Variants in RNF217 observed in about 807,000 individuals in gnomAD.
RNF217 encodes ring finger protein 217, also known as E3 ubiquitin-protein ligase RNF217.
RNF217 carries 31 observed loss-of-function variants against 57.8 expected under a neutral mutation model. The observed-to-expected ratio is 0.54, with a 90% CI of 0.40 to 0.72. The LOEUF (loss-of-function observed/expected upper bound fraction) is 0.72, where lower values mean the gene tolerates loss of function less well. Among genes scored for constraint, RNF217 ranks in the 30% least tolerant of loss-of-function variants. The pLI, the probability that RNF217 is intolerant of heterozygous loss-of-function variation, is 0.00. For synonymous variants in RNF217, 313 were observed against 294.0 expected, an observed-to-expected ratio of 1.06 and a Z score of -0.66; for missense variants, 696 against 708.3, an observed-to-expected ratio of 0.98 and a Z score of 0.20.
chr6:125,014,753 A>G (rs754496303), intron 1 of RNF217, among the ~76,000 whole-genome samples: 7 of 152,162 alleles, frequency 4.6e-5, no homozygotes, highest in Non-Finnish European at 8.8e-5. Context: ...CTTCCCATGA[A>G]CTCATTTTTG....
intron 1 of RNF217, among the ~76,000 whole-genome samples, chr6:124,993,725 G>A (rs1562457718): frequency 6.6e-6 from 1 of 152,194 alleles, no homozygotes; most frequent in East Asian, 1.9e-4. Context: ...GTTTGTCAGG[G>A]AGAGTTTTGT....
intron 3 of RNF217, among the ~76,000 whole-genome samples, chr6:125,065,290 CAAA>C (rs1192938088): frequency 6.3e-5 from 4 of 63,716 alleles, no homozygotes; most frequent in East Asian, 1.1e-3. Context: ...GACTCTGTCT[CAAA>C]AAAAAAAAAA....
At chr6:125,030,686 G>A (rs1786314330) in intron 1 of RNF217, among the ~76,000 whole-genome samples, 1 of 152,190 alleles carries the variant, frequency 6.6e-6, no homozygotes, top group African/African-American at 2.4e-5. Flanking sequence ...TTCTGCATCT[G>A]TGGCTTTGCA....
Position 125,083,048 on chromosome 6 carries a change from T to C in RNF217, c.*111T>C, listed in dbSNP as rs1788637455. 2 of 675,174 alleles carry C rather than the reference T, an allele frequency of 3.0e-6. No homozygotes were observed. Among genetic ancestry groups the C allele is most frequent in the Non-Finnish European group, 2.4e-6 (1 of 415,278 alleles). The allele number at this position is 675,174 out of a possible 1,614,324, so 41.8% of individuals were successfully genotyped here. ...ACACTGAGAGGAACCTTCTACCATC[T>C]CATCTCCCAGTGATTCTCCGTGGGC... On this transcript the variant is annotated 3_prime_UTR_variant, in exon 6 of 6. Coordinates refer to ENST00000521654, the MANE Select transcript of RNF217 (RefSeq NM_001286398.3).
chr6:124,988,673 C>T (rs926547486), intron 1 of RNF217, among the ~76,000 whole-genome samples: 5 of 152,170 alleles, frequency 3.3e-5, no homozygotes, highest in African/African-American at 1.2e-4. Flanking sequence ...GCAGATTCTA[C>T]TTGAGATTGT....
intron 1 of RNF217, among the ~76,000 whole-genome samples, chr6:124,976,090 A>G (rs1324686517): frequency 5.9e-5 from 9 of 152,144 alleles, no homozygotes; most frequent in Admixed American, 4.6e-4. Flanking sequence ...ATGTGTGTAT[A>G]TATGTATACA....
At chr6:124,998,526 G>A (rs1388980675) in intron 1 of RNF217, among the ~76,000 whole-genome samples, 1 of 152,090 alleles carries the variant, frequency 6.6e-6, no homozygotes, top group Non-Finnish European at 1.5e-5. Flanking sequence ...AAGGCCAGGT[G>A]CCGTGGCTCA....
chr6:125,056,220 C>T (rs776895244), intron 2 of RNF217, among the ~76,000 whole-genome samples: 47 of 152,120 alleles, frequency 3.1e-4, no homozygotes, highest in Admixed American at 5.9e-4. Context: ...GACAAACTTA[C>T]GTTTAAATTC....
intron 3 of RNF217, among the ~76,000 whole-genome samples, chr6:125,062,291 A>C (rs1342781790): frequency 6.6e-6 from 1 of 152,092 alleles, no homozygotes; most frequent in Admixed American, 6.5e-5. Flanking sequence ...GGATAGACCA[A>C]TTTAATACAT....
chr6:124,989,366 T>A (rs955017938), intron 1 of RNF217, among the ~76,000 whole-genome samples: 1 of 152,196 alleles, frequency 6.6e-6, no homozygotes, highest in Non-Finnish European at 1.5e-5. Context: ...AGTTTATTTA[T>A]CTTCTTTCTT....
chr6:124,978,410 G>T (rs1784043922), intron 1 of RNF217, among the ~76,000 whole-genome samples: 1 of 151,294 alleles, frequency 6.6e-6, no homozygotes, highest in Non-Finnish European at 1.5e-5. Flanking sequence ...GCTGTGAGCG[G>T]CTTCCACCTT....
intron 1 of RNF217, among the ~76,000 whole-genome samples, chr6:125,010,210 G>A (rs1221880880): frequency 6.6e-6 from 1 of 152,078 alleles, no homozygotes; most frequent in Non-Finnish European, 1.5e-5. Context: ...TGTTGTTAAG[G>A]TGCAGATACT....
rs1490190995 is a variant in RNF217 at position 125,088,321 on chromosome 6, A to C, written c.*5384A>C. The C allele has an allele frequency of 6.6e-6, 1 of 152,142 alleles. No homozygotes were observed. Among genetic ancestry groups the C allele is most frequent in the Non-Finnish European group, 1.5e-5 (1 of 68,018 alleles). The allele number at this position is 152,142 out of a possible 1,614,324, so 9.4% of individuals were successfully genotyped here. On this transcript the variant is annotated 3_prime_UTR_variant, in exon 6 of 6. Transcript: ENST00000521654. ...TTTTGGATGCAAACCAATGATACAA[A>C]TCTTTAAGAAAGAATTACAGTGGGA...
chr6:125,072,452 G>A (rs1485316453), intron 3 of RNF217, among the ~76,000 whole-genome samples: 2 of 152,006 alleles, frequency 1.3e-5, no homozygotes, highest in Non-Finnish European at 2.9e-5. Context: ...TTTGACCAAC[G>A]GTATTTTAGT....
intron 1 of RNF217, among the ~76,000 whole-genome samples, chr6:124,998,667 G>C (rs1784843988): frequency 6.6e-6 from 1 of 152,096 alleles, no homozygotes. Flanking sequence ...GAAGCATGGT[G>C]GCGTGCACCT....
chr6:125,084,089 C>CT lies in RNF217; in HGVS notation c.*1154dup, dbSNP rs1438750814. 3.3e-5 allele frequency: 5 copies of CT among 151,986 alleles called. 1 individual carries two copies. Among genetic ancestry groups the CT allele is most frequent in the Non-Finnish European group, 7.4e-5 (5 of 67,926 alleles). 9.4% of individuals were successfully genotyped at this position (151,986 alleles called of 1,614,324 possible). On this transcript the variant is annotated 3_prime_UTR_variant, in exon 6 of 6. Coordinates refer to ENST00000521654, the MANE Select transcript of RNF217 (RefSeq NM_001286398.3). ...ATTTAATATCCTAACCTTGTTATCTCTTGCCTCCTCCTCTCTGTTTTTATT... is the reference window on the plus strand; with the variant it reads ...ATTTAATATCCTAACCTTGTTATCTCTTTGCCTCCTCCTCTCTGTTTTTATT...
intron 2 of RNF217, among the ~76,000 whole-genome samples, chr6:125,047,003 A>G (rs1048408512): frequency 6.6e-6 from 1 of 152,116 alleles, no homozygotes; most frequent in African/African-American, 2.4e-5. Context: ...CTAACTGAAC[A>G]TTAATAGAAT....
At chr6:125,079,068 AG>A (rs1788478454) in intron 4 of RNF217, among the ~76,000 whole-genome samples, 1 of 152,116 alleles carries the variant, frequency 6.6e-6, no homozygotes, top group South Asian at 2.1e-4. Context: ...AGGCAGAGAA[AG>A]GGCCTTCATC....
chr6:125,034,570 C>G (rs1786520171), intron 1 of RNF217, among the ~76,000 whole-genome samples: 1 of 152,020 alleles, frequency 6.6e-6, no homozygotes, highest in Admixed American at 6.5e-5. Context: ...TGTTTTGGTA[C>G]CAGTACCATG....
Sources: gnomAD v4.1 joint callset for allele counts (sites outside exome capture counted in the v4.1 genomes callset) on GRCh38, gnomAD v4.1.1 for gene constraint, MANE v1.5 for transcripts, NCBI Gene and HGNC (gene_info 2026-07-23, HGNC 2026-07-21) for gene names.